The following TRPM6 variants were observed in gnomAD, a reference collection of about 807,000 sequenced individuals.
TRPM6 encodes transient receptor potential cation channel subfamily M member 6.
TRPM6 carries 111 observed loss-of-function variants against 247.6 expected under a neutral mutation model. The observed-to-expected ratio is 0.45, with a 90% CI of 0.38 to 0.52. TRPM6 has a LOEUF of 0.52. Among genes scored for constraint, TRPM6 ranks in the 20% least tolerant of loss-of-function variants. The pLI is 0.00. For synonymous variants in TRPM6, 892 were observed against 853.8 expected, an observed-to-expected ratio of 1.04 and a Z score of -0.78; for missense variants, 2,126 against 2,421.5, an observed-to-expected ratio of 0.88 and a Z score of 2.56.
At chr9:74,839,718 G>C (rs1010581354) in intron 5 of TRPM6, among the ~76,000 whole-genome samples, 6 of 151,734 alleles carry the variant, frequency 4.0e-5, no homozygotes, top group Non-Finnish European at 8.8e-5. Context: ...GATTCTTCTG[G>C]GTTTATTTTC....
intron 38 of TRPM6, among the ~76,000 whole-genome samples, chr9:74,727,396 A>T (rs1825367347): frequency 6.6e-6 from 1 of 151,854 alleles, no homozygotes; most frequent in Non-Finnish European, 1.5e-5. Flanking sequence ...AAAAAAAAAA[A>T]AAAAAAAAGA....
chr9:74,778,639 A>G (rs73650072), intron 23 of TRPM6, among the ~76,000 whole-genome samples: 7,616 of 152,228 alleles, frequency 0.05, 619 homozygotes, highest in African/African-American at 0.17. Flanking sequence ...CCAGGAGCCC[A>G]TACTTATCAC....
chr9:74,852,484 C>G, intron 3 of TRPM6, among the ~76,000 whole-genome samples: 1 of 142,298 alleles, frequency 7.0e-6, no homozygotes, highest in South Asian at 2.1e-4. Flanking sequence ...TCTCCCTCTC[C>G]GTCTCCGTCT....
chr9:74,807,159 C>A lies in TRPM6; in HGVS notation c.1638+875G>T, dbSNP rs560167148. Among the ~76,000 whole-genome samples, 3 of 152,304 alleles carry A rather than the reference C, an allele frequency of 2.0e-5. No homozygotes were observed. The South Asian group carries it at 6.2e-4, about 32-fold the overall frequency. Reference sequence around the variant, plus strand: ...TTCTGAAAGCCAAGCTGGGCTTTCACGTCACTTGATTCTTTATAAAGGATC... The same window carrying A: ...TTCTGAAAGCCAAGCTGGGCTTTCAAGTCACTTGATTCTTTATAAAGGATC... On this transcript the variant is annotated intron_variant, in intron 14 of 38. Transcript: ENST00000360774.
chr9:74,877,242 C>T (rs1426830382), intron 1 of TRPM6, among the ~76,000 whole-genome samples: 1 of 152,162 alleles, frequency 6.6e-6, no homozygotes, highest in African/African-American at 2.4e-5. Flanking sequence ...GAAATGAAAA[C>T]ACATGTCTAT....
intron 3 of TRPM6, among the ~76,000 whole-genome samples, chr9:74,843,537 G>A (rs950080384): frequency 1.3e-5 from 2 of 152,030 alleles, no homozygotes; most frequent in Admixed American, 6.6e-5. Context: ...GGCCAGGTGC[G>A]GTGGCTCACG....
At chr9:74,777,305 G>GC (rs946154548) in intron 23 of TRPM6, among the ~76,000 whole-genome samples, 2 of 151,982 alleles carry the variant, frequency 1.3e-5, no homozygotes, top group Non-Finnish European at 2.9e-5. Context: ...GTTGGTTTTT[G>GC]TTTTTTTCAA....
At chr9:74,865,111 T>C (rs1830808037) in intron 1 of TRPM6, among the ~76,000 whole-genome samples, 1 of 151,368 alleles carries the variant, frequency 6.6e-6, no homozygotes. Flanking sequence ...AATGAATTTC[T>C]AGATTATATA....
chr9:74,831,887 G>A (rs1047741078), intron 6 of TRPM6, among the ~76,000 whole-genome samples: 4 of 152,122 alleles, frequency 2.6e-5, no homozygotes, highest in Non-Finnish European at 5.9e-5. Context: ...GTGAGAAAAC[G>A]TTTATCTATA....
intron 1 of TRPM6, among the ~76,000 whole-genome samples, chr9:74,873,431 A>G (rs1831089838): frequency 6.6e-6 from 1 of 152,234 alleles, no homozygotes; most frequent in African/African-American, 2.4e-5. Context: ...AAGAAAAACA[A>G]AATGTGCTTT....
intron 11 of TRPM6, among the ~76,000 whole-genome samples, chr9:74,814,264 T>C (rs1402092256): frequency 6.6e-6 from 1 of 151,742 alleles, no homozygotes. Flanking sequence ...ATTGAATCCA[T>C]GGAGATGGAG....
At chr9:74,751,517 A>G (rs943195422) in intron 29 of TRPM6, among the ~76,000 whole-genome samples, 2 of 152,238 alleles carry the variant, frequency 1.3e-5, no homozygotes, top group African/African-American at 4.8e-5. Context: ...GTTGTTAGCC[A>G]TAAAGGTCAT....
Position 74,773,715 on chromosome 9 carries a change from T to C in TRPM6, c.3404-1880A>G, listed in dbSNP as rs1194849709. Among the ~76,000 whole-genome samples, 3 of 152,352 alleles carry C rather than the reference T, an allele frequency of 2.0e-5. No homozygotes were observed. The East Asian group carries it at 5.8e-4, about 29-fold the overall frequency. ...AAGAACTAATACAATTCTCCAGAAT[T>C]TATTTAAAATGCAATTGTTACATTA... On this transcript the variant is annotated intron_variant, in intron 24 of 38. Coordinates refer to ENST00000360774, the MANE Select transcript of TRPM6 (RefSeq NM_017662.5).
chr9:74,854,193 A>G (rs73536116), intron 3 of TRPM6, among the ~76,000 whole-genome samples: 5,054 of 152,292 alleles, frequency 0.033, 307 homozygotes, highest in African/African-American at 0.12. Flanking sequence ...AGTCTCATCT[A>G]TGTGCAAAAA....
chr9:74,863,998 AT>A (rs1830770285), intron 1 of TRPM6, among the ~76,000 whole-genome samples: 1 of 152,070 alleles, frequency 6.6e-6, no homozygotes, highest in African/African-American at 2.4e-5. Flanking sequence ...CTTAAAAAAA[AT>A]CTATCATCTA....
At chr9:74,878,935 T>A (rs1421470370) in intron 1 of TRPM6, among the ~76,000 whole-genome samples, 1 of 152,128 alleles carries the variant, frequency 6.6e-6, no homozygotes, top group Non-Finnish European at 1.5e-5. Flanking sequence ...AATCTGCCAT[T>A]GAGCTATGAT....
intron 36 of TRPM6, among the ~76,000 whole-genome samples, chr9:74,733,953 AAATTCT>A (rs1159975766): frequency 5.9e-5 from 9 of 152,220 alleles, no homozygotes; most frequent in Non-Finnish European, 8.8e-5. Flanking sequence ...TCAGTTGTGA[AAATTCT>A]TTGAGATGTA....
intron 1 of TRPM6, among the ~76,000 whole-genome samples, chr9:74,870,816 C>G (rs1172030015): frequency 6.6e-6 from 1 of 151,936 alleles, no homozygotes; most frequent in Non-Finnish European, 1.5e-5. Context: ...CCCAGCTACT[C>G]AGGAGGCTGA....
chr9:74,764,530 C>T (rs567260290), intron 25 of TRPM6, among the ~76,000 whole-genome samples: 7 of 152,300 alleles, frequency 4.6e-5, no homozygotes, highest in South Asian at 4.1e-4. Context: ...ATAGCAACAT[C>T]GGAGAAAGCA....
Sources: gnomAD v4.1 joint callset for allele counts (sites outside exome capture counted in the v4.1 genomes callset) on GRCh38, gnomAD v4.1.1 for gene constraint, MANE v1.5 for transcripts, NCBI Gene and HGNC (gene_info 2026-07-23, HGNC 2026-07-21) for gene names.